LRRC17: variants seen among roughly 807,000 people sequenced by gnomAD.
LRRC17 encodes the protein leucine-rich repeat-containing protein 17.
LRRC17 carries 33 observed loss-of-function variants against 41.5 expected under a neutral mutation model. The observed-to-expected ratio is 0.80, with a 90% CI of 0.60 to 1.06. LRRC17 has a LOEUF of 1.06. Among genes scored for constraint, LRRC17 ranks in the 50% least tolerant of loss-of-function variants. LRRC17 has a pLI of 0.00. For missense variants in LRRC17, 491 were observed against 519.3 expected, an observed-to-expected ratio of 0.95 and a Z score of 0.53; for synonymous variants, 192 against 197.0, an observed-to-expected ratio of 0.97 and a Z score of 0.21.
chr7:102,942,277 T>A (rs1328592187), intron 3 of LRRC17: 2 of 1,590,872 alleles, frequency 1.3e-6, no homozygotes, highest in Non-Finnish European at 1.7e-6. Context: ...ATGAAAGGTC[T>A]CCTATATTTC....
rs1563131421 is a variant in LRRC17 at position 102,944,878 on chromosome 7, CT to C, written c.*274del. On this transcript the variant is annotated 3_prime_UTR_variant, in exon 4 of 4. Transcript: ENST00000339431. ...GTTGGGTCCTAATGATGGCATTAGA[CT>C]TTCATAATGTCCTGTATAAATGTTT... 1 of 334,050 alleles carries C rather than the reference CT, an allele frequency of 3.0e-6. No homozygotes were observed. The allele number at this position is 334,050 out of a possible 1,614,324, so 20.7% of individuals were successfully genotyped here.
intron 3 of LRRC17, 91 bp from the exon 4 acceptor site, chr7:102,944,119 C>T (rs936323793): frequency 1.0e-6 from 1 of 955,406 alleles, no homozygotes; most frequent in Admixed American, 2.8e-5. Flanking sequence ...GAAAATTAAG[C>T]CTCTTTTTAA....
intron 3 of LRRC17, among the ~76,000 whole-genome samples, chr7:102,940,943 C>T (rs1292486128): frequency 6.6e-6 from 1 of 152,110 alleles, no homozygotes. Flanking sequence ...ACAACTGTTT[C>T]CCCTGCTTTT....
At position 102,944,463 on chromosome 7, in the gene LRRC17, A is replaced by G; in HGVS notation, c.1182A>G (p.Arg394=). The change falls in exon 4 of 4, where the codon AGA becomes AGG. Residue 394 remains arginine, a synonymous_variant. Transcript: ENST00000339431. ...GATGGTCTGTGGGAAAATATATTAG[A>G]AGTTACTATGAAGAATGCCCCAAAG... ...YKGWSVGKYI[R]SYYEECPKDK... 6.2e-7 allele frequency: 1 copy of G among 1,614,072 alleles called. No homozygotes were observed.
At chr7:102,921,920 G>A (rs956743798) in intron 1 of LRRC17, among the ~76,000 whole-genome samples, 1 of 152,024 alleles carries the variant, frequency 6.6e-6, no homozygotes, top group African/African-American at 2.4e-5. Context: ...TCCAGGCATG[G>A]TGGCTCACGC....
intron 1 of LRRC17, among the ~76,000 whole-genome samples, chr7:102,921,902 G>A (rs192959946): frequency 6.6e-6 from 1 of 151,668 alleles, no homozygotes; most frequent in Admixed American, 6.6e-5. Context: ...AAATATCACT[G>A]GGTCAAGTCC....
At chr7:102,916,480 T>A (rs558140706) in intron 1 of LRRC17, among the ~76,000 whole-genome samples, 5 of 152,158 alleles carry the variant, frequency 3.3e-5, no homozygotes, top group Non-Finnish European at 2.9e-5. Flanking sequence ...CATGGAACCA[T>A]CAGTTTGAAG....
chr7:102,935,232 T>C (rs1332869572), intron 2 of LRRC17, among the ~76,000 whole-genome samples: 1 of 140,860 alleles, frequency 7.1e-6, no homozygotes, highest in Non-Finnish European at 1.5e-5. Flanking sequence ...GCTCCTTTTT[T>C]TTTTTCTTTC....
At chr7:102,919,135 G>T (rs1304703038) in intron 1 of LRRC17, among the ~76,000 whole-genome samples, 1 of 152,180 alleles carries the variant, frequency 6.6e-6, no homozygotes, top group Non-Finnish European at 1.5e-5. Context: ...TGTGTTGATA[G>T]CTTAAAATCG....
intron 1 of LRRC17, among the ~76,000 whole-genome samples, chr7:102,914,180 C>A (rs1248434270): frequency 6.6e-6 from 1 of 152,232 alleles, no homozygotes; most frequent in Non-Finnish European, 1.5e-5. Flanking sequence ...TCAAGCGATT[C>A]TCCTGCCTCA....
intron 1 of LRRC17, among the ~76,000 whole-genome samples, chr7:102,920,499 G>A (rs1364860081): frequency 6.6e-6 from 1 of 151,898 alleles, no homozygotes; most frequent in Non-Finnish European, 1.5e-5. Context: ...ACAGGTGCAT[G>A]CCACCACACC....
At chr7:102,913,311 CTCT>C (rs1277185045) in intron 1 of LRRC17, 166 bp downstream of exon 1, 25 of 1,472,040 alleles carry the variant, frequency 1.7e-5, no homozygotes, top group South Asian at 5.0e-5. Context: ...GTAAATTCAA[CTCT>C]TCTTCTTGCA....
chr7:102,937,361 G>T (rs1585035177), intron 2 of LRRC17, among the ~76,000 whole-genome samples: 1 of 139,168 alleles, frequency 7.2e-6, no homozygotes, highest in East Asian at 2.1e-4. Flanking sequence ...AAAAAAAATA[G>T]CCAGGCATGG....
At position 102,937,484 on chromosome 7, in the gene LRRC17, G is replaced by A. The variant is rs542076133; in HGVS notation, c.773-1946G>A. ...ATCACGCCACTGCACTCCAGCCTGGGCGACAGAGCAAGACTCTGTCTCAAA... is the reference window on the plus strand; with the variant it reads ...ATCACGCCACTGCACTCCAGCCTGGACGACAGAGCAAGACTCTGTCTCAAA... On this transcript the variant is annotated intron_variant, in intron 2 of 3. Coordinates refer to ENST00000339431, the MANE Select transcript of LRRC17 (RefSeq NM_001031692.3). Among the ~76,000 whole-genome samples, 6 of 135,046 alleles carry A rather than the reference G, an allele frequency of 4.4e-5. No homozygotes were observed. The South Asian group carries it at 1.3e-3, about 28-fold the overall frequency. The allele number at this position is 135,046 out of a possible 152,430, so 88.6% of individuals were successfully genotyped here. A position where few individuals can be genotyped will look rare whatever the true frequency, so the allele number is the denominator to read the frequency against.
chr7:102,943,328 G>T (rs1821821078), intron 3 of LRRC17, among the ~76,000 whole-genome samples: 1 of 57,944 alleles, frequency 1.7e-5, no homozygotes. Context: ...TTTTTCCCAA[G>T]TAAATACCAA....
intron 1 of LRRC17, among the ~76,000 whole-genome samples, chr7:102,922,010 A>G (rs537923782): frequency 6.6e-6 from 1 of 152,162 alleles, no homozygotes; most frequent in South Asian, 2.1e-4. Context: ...GGCTAACATG[A>G]TGAAACCTCG....
At chr7:102,913,321 T>C (rs1815137119) in intron 1 of LRRC17, 176 bp downstream of exon 1, 1 of 1,387,806 alleles carries the variant, frequency 7.2e-7, no homozygotes, top group African/African-American at 1.4e-5. Context: ...CTCTTCTTCT[T>C]GCAGATGTTC....
chr7:102,933,386 C>T (rs1489731167), intron 1 of LRRC17: 5 of 152,138 alleles, frequency 3.3e-5, no homozygotes, highest in African/African-American at 1.2e-4. Context: ...TTCTTAAATC[C>T]GATGTGATGG....
chr7:102,944,163 T>A (rs1208271474), intron 3 of LRRC17, 47 bp from the exon 4 acceptor site: 1 of 1,479,768 alleles, frequency 6.8e-7, no homozygotes, highest in Admixed American at 2.1e-5. Flanking sequence ...TGCCATACAC[T>A]GTATTAACTC....
Sources: allele counts gnomAD v4.1 joint callset (sites outside exome capture counted in the v4.1 genomes callset), GRCh38; gene constraint gnomAD v4.1.1; transcripts MANE v1.5; gene names NCBI Gene and HGNC (gene_info 2026-07-23, HGNC 2026-07-21).